EIF4B: variants seen among roughly 807,000 people sequenced by gnomAD.
The protein encoded by EIF4B is eukaryotic translation initiation factor 4B.
In EIF4B, 8 loss-of-function variants were observed where a neutral mutation model predicts 79.3. The observed-to-expected ratio is 0.10, with a 90% confidence interval of 0.06 to 0.18. The LOEUF (loss-of-function observed/expected upper bound fraction) is 0.18. EIF4B is among the 10% of genes least tolerant of loss of function. The probability of loss-of-function intolerance (pLI) is 1.00; values close to 1 mark genes in which losing one functional copy is unlikely to be tolerated. For synonymous variants in EIF4B, 238 were observed against 274.7 expected, an observed-to-expected ratio of 0.87 and a Z score of 1.32; for missense variants, 515 against 792.4, an observed-to-expected ratio of 0.65 and a Z score of 4.20.
chr12:53,036,513 C>G (rs1343684363), intron 10 of EIF4B, among the ~76,000 whole-genome samples: 1 of 152,080 alleles, frequency 6.6e-6, no homozygotes, highest in African/African-American at 2.4e-5. Flanking sequence ...CTCAAGCAAT[C>G]CTCTTGCCCC....
intron 6 of EIF4B, among the ~76,000 whole-genome samples, chr12:53,022,908 A>C (rs1943270492): frequency 6.6e-6 from 1 of 152,186 alleles, no homozygotes; most frequent in African/African-American, 2.4e-5. Context: ...TGGTGGCTAT[A>C]ATCCCAACGC....
intron 1 of EIF4B, among the ~76,000 whole-genome samples, chr12:53,007,984 A>G (rs1229450489): frequency 6.6e-6 from 1 of 152,232 alleles, no homozygotes; most frequent in East Asian, 1.9e-4. Flanking sequence ...ACTTAAAAGT[A>G]TCAAGGTGTC....
At chr12:53,029,760 G>A (rs1425704129) in intron 8 of EIF4B, among the ~76,000 whole-genome samples, 1 of 152,106 alleles carries the variant, frequency 6.6e-6, no homozygotes, top group Non-Finnish European at 1.5e-5. Flanking sequence ...GATTCCCCAA[G>A]AAAGGAAAAT....
At chr12:53,040,074 T>A in intron 14 of EIF4B, 69 bp from the exon 15 acceptor site, 1 of 1,558,960 alleles carries the variant, frequency 6.4e-7, no homozygotes. Context: ...AGGATCAGTA[T>A]CCTGTGTCTT....
chr12:53,030,413 C>CTTTTTTTTTTTTTTTTTTTTTTGTT (rs1943416683), intron 8 of EIF4B, among the ~76,000 whole-genome samples: 1 of 43,066 alleles, frequency 2.3e-5, no homozygotes, highest in Non-Finnish European at 5.9e-5. Flanking sequence ...AAATTATATT[C>CTTTTTTTTTTTTTTTTTTTTTTGTT]TTTTTTTTTT....
rs1943504911 is a variant in EIF4B at position 53,034,592 on chromosome 12, T to A, written c.1209-20T>A. ...TCACTGAGCCAGGCATAATGTGTAT[T>A]TTGTGAATCTCTCGTACAGACACCC... is the stretch of plus-strand genomic sequence containing the variant. On this transcript the variant is annotated intron_variant, in intron 9 of 14. Transcript: ENST00000262056. 6.2e-7 allele frequency: 1 copy of A among 1,613,828 alleles called. No individual in the cohort carries two copies. Among genetic ancestry groups the A allele is most frequent in the Middle Eastern group, 1.7e-4 (1 of 6,012 alleles).
Position 53,039,651 on chromosome 12 carries a change from A to C in EIF4B, c.1704A>C (p.Gln568His). The change falls in exon 14 of 15, where the codon CAA becomes CAC. Residue 568 changes from glutamine (Q) to histidine (H), a missense_variant. Physicochemically the swap from Gln to His is conservative, Grantham distance 24 (BLOSUM62 0). Transcript: ENST00000262056. The part of the protein sequence containing the change: ...ESDRKDGKKD[Q>H]DSRSAPEPKK... ...GCAGGAAAGATGGCAAAAAGGATCA[A>C]GACTCCAGATCTGCACCTGAGCCAA... 1 of 1,613,910 alleles carries C rather than the reference A, an allele frequency of 6.2e-7. No homozygotes were observed. Among genetic ancestry groups the C allele is most frequent in the Non-Finnish European group, 8.5e-7 (1 of 1,179,830 alleles).
At chr12:53,037,861 C>T in intron 11 of EIF4B, 1 of 545,954 alleles carries the variant, frequency 1.8e-6, no homozygotes. Context: ...CACAAATCTG[C>T]AAATACTGTA....
intron 6 of EIF4B, among the ~76,000 whole-genome samples, chr12:53,026,879 A>C (rs4346045): frequency 0.021 from 3,200 of 152,174 alleles, 117 homozygotes; most frequent in African/African-American, 0.073. Context: ...TATTTGTACC[A>C]TTTAAAATTA....
chr12:53,024,302 ATACT>A (rs1412322428), intron 6 of EIF4B, among the ~76,000 whole-genome samples: 3 of 151,792 alleles, frequency 2.0e-5, no homozygotes, highest in East Asian at 1.9e-4. Flanking sequence ...CTGTAATCAA[ATACT>A]TAATAGCATA....
chr12:53,014,542 G>T (rs1309908205), intron 1 of EIF4B: 1 of 152,106 alleles, frequency 6.6e-6, no homozygotes, highest in Non-Finnish European at 1.5e-5. Flanking sequence ...GGTCAACTTT[G>T]ATTATTTTAG....
intron 1 of EIF4B, among the ~76,000 whole-genome samples, chr12:53,006,931 G>C (rs1942971672): frequency 1.3e-5 from 2 of 151,008 alleles, no homozygotes; most frequent in African/African-American, 4.9e-5. Flanking sequence ...ACCGGAGTGG[G>C]GGGTAGGGGA....
rs759061266 is a variant in EIF4B, at chr12:53,030,413, C to CTTTTTTTTTTTTT, written c.979+2238_979+2250dup. Among the ~76,000 whole-genome samples, 115 of 43,090 alleles carry CTTTTTTTTTTTTT rather than the reference C, an allele frequency of 2.7e-3. 32 individuals carry two copies. The highest frequency in any genetic ancestry group is 4.0e-3 in the Non-Finnish European group (67 of 16,858). The allele number at this position is 43,090 out of a possible 152,430, so 28.3% of individuals were successfully genotyped here. ...GAAATAGGTTTTAAAAAATTATATT[C>CTTTTTTTTTTTTT]TTTTTTTTTTTTTTTTTTTTTTTTT... On this transcript the variant is annotated intron_variant, in intron 8 of 14. Transcript: ENST00000262056.
At chr12:53,009,044 T>A in intron 1 of EIF4B, among the ~76,000 whole-genome samples, 1 of 152,064 alleles carries the variant, frequency 6.6e-6, no homozygotes, top group East Asian at 1.9e-4. Context: ...CAAAAAAAAA[T>A]CTTAAAAATA....
chr12:53,039,501 ACAT>A, intron 13 of EIF4B, 126 bp from the exon 14 acceptor site: 3 of 1,281,374 alleles, frequency 2.3e-6, no homozygotes, highest in Non-Finnish European at 3.2e-6. Flanking sequence ...TAGAAGTAAT[ACAT>A]CATCCAGACA....
At chr12:53,007,420 C>CTTTTTTTTTT (rs56017954) in intron 1 of EIF4B, among the ~76,000 whole-genome samples, 1 of 92,236 alleles carries the variant, frequency 1.1e-5, no homozygotes, top group African/African-American at 5.1e-5. Flanking sequence ...AGATTTCAGC[C>CTTTTTTTTTT]TTTTTTTTTT....
chr12:53,035,235 T>TA (rs1485367925), intron 10 of EIF4B, among the ~76,000 whole-genome samples: 1 of 152,034 alleles, frequency 6.6e-6, no homozygotes, highest in African/African-American at 2.4e-5. Context: ...GACAGGGTCT[T>TA]ACTCTGTCAC....
Position 53,022,633 on chromosome 12 carries a change from T to A in EIF4B, c.667+6T>A. 6.2e-7 allele frequency: 1 copy of A among 1,612,822 alleles called. No individual in the cohort carries two copies. Among genetic ancestry groups the A allele is most frequent in the South Asian group, 1.1e-5 (1 of 90,876 alleles). On this transcript the variant is annotated splice_donor_region_variant and intron_variant, in intron 6 of 14. Coordinates refer to ENST00000262056, the MANE Select transcript of EIF4B (RefSeq NM_001417.7). ...TGATGATAGCTTTGGAGACAGTAAG[T>A]TTGTTTTTATGAAGTTAGCTTCCTC...
At chr12:53,015,345 T>C (rs1252631242) in intron 1 of EIF4B, among the ~76,000 whole-genome samples, 1 of 152,188 alleles carries the variant, frequency 6.6e-6, no homozygotes, top group African/African-American at 2.4e-5. Context: ...ACATCTGGTG[T>C]TTCACTTAAC....
Sources: gnomAD v4.1 joint callset for allele counts (sites outside exome capture counted in the v4.1 genomes callset) on GRCh38, gnomAD v4.1.1 for gene constraint, MANE v1.5 for transcripts, NCBI Gene and HGNC (gene_info 2026-07-23, HGNC 2026-07-21) for gene names.